The following KCNJ8 variants were observed in gnomAD, a reference collection of about 807,000 sequenced individuals.
KCNJ8 encodes potassium inwardly rectifying channel subfamily J member 8, also known as ATP-sensitive inward rectifier potassium channel 8.
A neutral mutation model predicts 28.2 loss-of-function variants in KCNJ8; 13 were observed. The ratio of observed to expected loss-of-function variants is 0.46; its 90% CI spans 0.30 to 0.73. The LOEUF (loss-of-function observed/expected upper bound fraction) is 0.73. Ranked by LOEUF, KCNJ8 falls within the 30% of genes least tolerant of loss-of-function variation. The pLI, the probability that KCNJ8 is intolerant of heterozygous loss-of-function variation, is 0.07. For synonymous variants in KCNJ8, 188 were observed against 195.9 expected (o/e 0.96, Z 0.34); for missense variants, 284 against 542.6 (o/e 0.52, Z 4.73).
rs751563582 is a variant in KCNJ8, at chr12:21,766,152, T to G, written c.846A>C (p.Ala282=). The change falls in exon 3 of 3, where the codon GCA becomes GCC. Residue 282 remains alanine (A), a synonymous_variant. Coordinates refer to ENST00000240662, the MANE Select transcript of KCNJ8 (RefSeq NM_004982.4). This position sits in a 1 kb window ranked among gnomAD's most constrained non-coding sequence, Gnocchi z 6.5. ...CCAAGTCTTGGTTGGCCAGGTCAGTTGCTGAGATGTCATACAGGGGACTGC... is the reference window on the plus strand; with the variant it reads ...CCAAGTCTTGGTTGGCCAGGTCAGTGGCTGAGATGTCATACAGGGGACTGC... ...DKRSPLYDIS[A]TDLANQDLEV... 4 of 1,614,076 alleles carry G rather than the reference T, an allele frequency of 2.5e-6. No homozygotes were observed. The Admixed American group carries it at 6.7e-5, about 27-fold the overall frequency.
intron 2 of KCNJ8, among the ~76,000 whole-genome samples, chr12:21,769,992 G>A (rs1397720461): frequency 1.3e-5 from 2 of 152,360 alleles, no homozygotes; most frequent in South Asian, 4.1e-4. Flanking sequence ...TGATAAAGCA[G>A]TGGCAGGTTT....
Position 21,765,681 on chromosome 12 carries a change from C to A in KCNJ8, c.*42G>T, listed in dbSNP as rs753967554. 2.5e-6 allele frequency: 4 copies of A among 1,572,244 alleles called. No individual in the cohort carries two copies. Among genetic ancestry groups the A allele is most frequent in the Non-Finnish European group, 2.6e-6 (3 of 1,142,192 alleles). Reference sequence around the variant, plus strand: ...CAGTCTGGCAGTGCCCAGCATAAACCGTCAAAACTTGATAAAAGACTGTCT... The same window carrying A: ...CAGTCTGGCAGTGCCCAGCATAAACAGTCAAAACTTGATAAAAGACTGTCT... On this transcript the variant is annotated 3_prime_UTR_variant, in exon 3 of 3. Transcript: ENST00000240662.
rs1211826894 is a variant in KCNJ8, at chr12:21,773,124, A to T, written c.374+119T>A. ...TTATTGTGCTTTTTTGTTTCTGAAGATTCTAAAACAAACCCTTTATTTCAC... is the reference window on the plus strand; with the variant it reads ...TTATTGTGCTTTTTTGTTTCTGAAGTTTCTAAAACAAACCCTTTATTTCAC... On this transcript the variant is annotated intron_variant, in intron 2 of 2. Transcript: ENST00000240662. This position sits in a 1 kb window ranked among gnomAD's most constrained non-coding sequence, Gnocchi z 4.6. The T allele has an allele frequency of 7.5e-6, 9 of 1,198,522 alleles. No homozygotes were observed. Among genetic ancestry groups the T allele is most frequent in the East Asian group, 2.3e-5 (1 of 43,038 alleles). The allele number at this position is 1,198,522 out of a possible 1,614,324, so 74.2% of individuals were successfully genotyped here. A position where few individuals can be genotyped will look rare whatever the true frequency, so the allele number is the denominator to read the frequency against.
Position 21,766,615 on chromosome 12 carries a change from G to A in KCNJ8, c.383C>T (p.Thr128Ile), listed in dbSNP as rs756068676. The A allele has an allele frequency of 6.3e-7, 1 of 1,598,832 alleles. No homozygotes were observed. Among genetic ancestry groups the A allele is most frequent in the Non-Finnish European group, 8.5e-7 (1 of 1,178,514 alleles). ...TVCVTNVRSF[T>I]SAFLFSIEVQ... ...TTCAATGGAGAAGAGAAAAGCAGAA[G>A]TGAAAGACCTGTGAGGAATGATATC... Residue 128 changes from threonine (T) to isoleucine (I), a missense_variant, in exon 3 of 3, where the codon ACT (threonine) becomes ATT (isoleucine). Around this residue, in one of 8 missense-constraint regions of KCNJ8, gnomAD observed 5 missense variants for 29.1 expected, o/e 0.17. Transcript: ENST00000240662. The surrounding 1 kb of genome is among the most constrained non-coding windows in gnomAD (Gnocchi z 6.5).
rs112604741 is a variant in KCNJ8, at chr12:21,773,506, G to A, written c.111C>T (p.Ile37=). 3.3e-4 allele frequency: 536 copies of A among 1,614,270 alleles called. 6 individuals are homozygous for A. In the East Asian group the frequency reaches 9.8e-3, roughly 30 times the overall value. The part of the protein sequence containing the change: ...IRDRLPKARF[I]AKSGACNLAH... ...CCAGGTTGCAGGCCCCGCTCTTGGC[G>A]ATGAAGCGGGCTTTGGGGAGGCGGT... The change falls in exon 2 of 3, where the codon ATC becomes ATT. Residue 37 remains isoleucine, a synonymous_variant. Transcript: ENST00000240662. This position sits in a 1 kb window ranked among gnomAD's most constrained non-coding sequence, Gnocchi z 4.6.
chr12:21,767,342 G>A (rs1057304824), intron 2 of KCNJ8, among the ~76,000 whole-genome samples: 2 of 117,728 alleles, frequency 1.7e-5, no homozygotes, highest in East Asian at 5.8e-4. Flanking sequence ...CCAGGGACCA[G>A]TGCTGGTCCA....
chr12:21,767,519 T>C (rs562010016), intron 2 of KCNJ8, among the ~76,000 whole-genome samples: 1 of 152,204 alleles, frequency 6.6e-6, no homozygotes, highest in African/African-American at 2.4e-5. Flanking sequence ...TCCCTCCTTA[T>C]GAGAATCTAA....
intron 1 of KCNJ8, among the ~76,000 whole-genome samples, 171 bp downstream of exon 1, chr12:21,774,375 G>C (rs1940838227): frequency 6.8e-6 from 1 of 147,926 alleles, no homozygotes; most frequent in African/African-American, 2.5e-5. Context: ...AAATATACAA[G>C]GTGCGGGGGG....
At position 21,766,396 on chromosome 12, in the gene KCNJ8, A is replaced by C; in HGVS notation, c.602T>G (p.Val201Gly). The change falls in exon 3 of 3, where the codon GTC (valine) becomes GGC (glycine). Residue 201 changes from valine to glycine, a missense_variant. Val to Gly is a moderately radical substitution (Grantham distance 109). Transcript: ENST00000240662. This position sits in a 1 kb window ranked among gnomAD's most constrained non-coding sequence, Gnocchi z 6.5. The stretch of plus-strand genomic sequence containing the variant: ...CATGAAGCACAGCTTGCCATTTCGG[A>C]CGGCAATCACAGCATGGCGGCTGAA... Reference protein sequence around the residue: ...LIFSRHAVIAVRNGKLCFMFR... With the variant: ...LIFSRHAVIAGRNGKLCFMFR... 1 of 1,614,180 alleles carries C rather than the reference A, an allele frequency of 6.2e-7. No homozygotes were observed. Among genetic ancestry groups the C allele is most frequent in the Non-Finnish European group, 8.5e-7 (1 of 1,180,046 alleles).
intron 2 of KCNJ8, among the ~76,000 whole-genome samples, chr12:21,770,502 C>G (rs1453043088): frequency 6.6e-6 from 1 of 152,138 alleles, no homozygotes; most frequent in African/African-American, 2.4e-5. Flanking sequence ...TGAATTTTCT[C>G]ACTTTGGCCT....
At chr12:21,767,263 A>G (rs1940646277) in intron 2 of KCNJ8, among the ~76,000 whole-genome samples, 1 of 152,012 alleles carries the variant, frequency 6.6e-6, no homozygotes, top group South Asian at 2.1e-4. Flanking sequence ...TTGGAAAGAA[A>G]AGTGTCTTAT....
At chr12:21,770,704 C>T (rs906758996) in intron 2 of KCNJ8, among the ~76,000 whole-genome samples, 2 of 152,312 alleles carry the variant, frequency 1.3e-5, no homozygotes, top group Admixed American at 1.3e-4. Flanking sequence ...GGAAGCACCA[C>T]ATTTGTTACT....
In KCNJ8 at chr12:21,773,503, G is replaced by C; in HGVS notation, c.114C>G (p.Ala38=). 6.2e-7 allele frequency: 1 copy of C among 1,614,280 alleles called. No homozygotes were observed. The highest frequency in any genetic ancestry group is 8.5e-7 in the Non-Finnish European group (1 of 1,180,054). ...RDRLPKARFI[A]KSGACNLAHK... ...GCGCCAGGTTGCAGGCCCCGCTCTTGGCGATGAAGCGGGCTTTGGGGAGGC... is the reference window on the plus strand; with the variant it reads ...GCGCCAGGTTGCAGGCCCCGCTCTTCGCGATGAAGCGGGCTTTGGGGAGGC... The change falls in exon 2 of 3, where the codon GCC becomes GCG. Residue 38 remains alanine, a synonymous_variant. Coordinates refer to ENST00000240662, the MANE Select transcript of KCNJ8 (RefSeq NM_004982.4). The surrounding 1 kb of genome is among the most constrained non-coding windows in gnomAD (Gnocchi z 4.6).
rs1940816623 is a variant in KCNJ8, at chr12:21,773,719, A to ATTAAAACATTTATT, written c.-70-34_-70-33insAATAAATGTTTTAA. On this transcript the variant is annotated intron_variant, in intron 1 of 2. Transcript: ENST00000240662. This position sits in a 1 kb window ranked among gnomAD's most constrained non-coding sequence, Gnocchi z 4.6. ...AGGGAAACATTTATTAAAAACTTAA[A>ATTAAAACATTTATT]AACCCACCCTATCCTCACCTCTTGG... The ATTAAAACATTTATT allele has an allele frequency of 2.6e-6, 4 of 1,513,458 alleles. No homozygotes were observed. The highest frequency in any genetic ancestry group is 3.6e-6 in the Non-Finnish European group (4 of 1,103,856). The allele number at this position is 1,513,458 out of a possible 1,614,324, so 93.8% of individuals were successfully genotyped here. A position where few individuals can be genotyped will look rare whatever the true frequency, so the allele number is the denominator to read the frequency against.
At chr12:21,772,110 T>C (rs1940772234) in intron 2 of KCNJ8, among the ~76,000 whole-genome samples, 1 of 152,180 alleles carries the variant, frequency 6.6e-6, no homozygotes, top group Non-Finnish European at 1.5e-5. Context: ...TGTAGTTCCT[T>C]AGCAAATGGA....
rs1043788719 is a variant in KCNJ8 at position 21,765,384 on chromosome 12, CAG to C, written c.*337_*338del. 1.9e-5 allele frequency: 7 copies of C among 371,238 alleles called. No homozygotes were observed. The highest frequency in any genetic ancestry group is 5.0e-5 in the South Asian group (2 of 40,148). 23.0% of individuals were successfully genotyped at this position (371,238 alleles called of 1,614,324 possible). On this transcript the variant is annotated 3_prime_UTR_variant, in exon 3 of 3. Transcript: ENST00000240662. ...GGTTTCACCAACTAAGCATTTCAAACAGACTCATTTCTTGACCAAATTTTGTG... is the reference window on the plus strand; with the variant it reads ...GGTTTCACCAACTAAGCATTTCAAACACTCATTTCTTGACCAAATTTTGTG...
rs113701092 is a variant in KCNJ8 at position 21,774,330 on chromosome 12, C to CTT, written c.-71+214_-71+215dup. Among the ~76,000 whole-genome samples, 283 of 126,948 alleles carry CTT rather than the reference C, an allele frequency of 2.2e-3. 1 individual carries two copies. Among genetic ancestry groups the CTT allele is most frequent in the Non-Finnish European group, 2.9e-3 (169 of 59,126 alleles). 83.3% of individuals were successfully genotyped at this position (126,948 alleles called of 152,430 possible). On this transcript the variant is annotated intron_variant, in intron 1 of 2. Coordinates refer to ENST00000240662, the MANE Select transcript of KCNJ8 (RefSeq NM_004982.4). The stretch of plus-strand genomic sequence containing the variant: ...AAATCATAATATTATAAATTGAAAA[C>CTT]TTTTTTTTTTTTTTTTTTTTACAAC...
At position 21,766,885 on chromosome 12, in the gene KCNJ8, C is replaced by T. The variant is rs906029321; in HGVS notation, c.375-262G>A. Among the ~76,000 whole-genome samples the T allele has an allele frequency of 1.3e-5, 2 of 152,162 alleles. No individual in the cohort carries two copies. The highest frequency in any genetic ancestry group is 4.8e-5 in the African/African-American group (2 of 41,446). On this transcript the variant is annotated intron_variant, in intron 2 of 2. Coordinates refer to ENST00000240662, the MANE Select transcript of KCNJ8 (RefSeq NM_004982.4). The surrounding 1 kb of genome is among the most constrained non-coding windows in gnomAD (Gnocchi z 6.5). The stretch of plus-strand genomic sequence containing the variant: ...TTAAGCTAAGGCCTAATTCTATTAA[C>T]ATTCTATTAATGTTTCATAGGTCAC...
At position 21,765,813 on chromosome 12, in the gene KCNJ8, G is replaced by T; in HGVS notation, c.1185C>A (p.Asn395Lys). The change falls in exon 3 of 3, where the codon AAC becomes AAA. Residue 395 changes from asparagine (N) to lysine (K), a missense_variant. Asn to Lys is a moderately conservative substitution (Grantham distance 94). This residue lies in a region of KCNJ8 where 50 missense variants were observed against 55.9 expected (regional missense o/e 0.90). Coordinates refer to ENST00000240662, the MANE Select transcript of KCNJ8 (RefSeq NM_004982.4). ...SMRRNNSMRR[N>K]NSIRRNNSSL... is the part of the protein sequence containing the mutation. Reference sequence around the variant, plus strand: ...AAGAATTGTTCCTTCGGATAGAATTGTTCCTCCTCATGGAATTGTTTCTTC... The same window carrying T: ...AAGAATTGTTCCTTCGGATAGAATTTTTCCTCCTCATGGAATTGTTTCTTC... 1 of 1,613,910 alleles carries T rather than the reference G, an allele frequency of 6.2e-7. No homozygotes were observed. The highest frequency in any genetic ancestry group is 8.5e-7 in the Non-Finnish European group (1 of 1,179,770).
Sources: gnomAD v4.1 joint callset for allele counts (sites outside exome capture counted in the v4.1 genomes callset) on GRCh38, gnomAD v4.1.1 for gene constraint, gnomAD v4.1.1 regional missense constraint, Gnocchi (gnomAD v3.1) non-coding constraint, MANE v1.5 for transcripts, NCBI Gene and HGNC (gene_info 2026-07-23, HGNC 2026-07-21) for gene names.